Variants in HPD observed in about 807,000 individuals in gnomAD.
The protein encoded by HPD is 4-hydroxyphenylpyruvate dioxygenase, also known as 4-hydroxyphenylpyruvic acid oxidase.
A neutral mutation model predicts 56.9 loss-of-function variants in HPD; 35 were observed. The observed-to-expected ratio is 0.62, with a 90% CI of 0.47 to 0.82. HPD has a LOEUF of 0.82. Ranked by LOEUF, HPD falls within the 40% of genes least tolerant of loss-of-function variation. The pLI is 0.00. For synonymous variants in HPD, 186 were observed against 200.2 expected, an observed-to-expected ratio of 0.93 and a Z score of 0.60; for missense variants, 442 against 506.8, an observed-to-expected ratio of 0.87 and a Z score of 1.23.
At chr12:121,848,296 T>C (rs949839604) in intron 9 of HPD, among the ~76,000 whole-genome samples, 8 of 152,104 alleles carry the variant, frequency 5.3e-5, no homozygotes, top group African/African-American at 1.9e-4. Flanking sequence ...TCCACTTTTA[T>C]TTTATTTTAC....
At chr12:121,876,174 G>A in the HPD span, among the ~76,000 whole-genome samples, 1 of 152,242 alleles carries the variant, frequency 6.6e-6, no homozygotes, top group South Asian at 2.1e-4. Flanking sequence ...AGCTGGGCGT[G>A]GTGGCGGGCG....
At chr12:121,870,750 C>G in the HPD span, among the ~76,000 whole-genome samples, 1 of 151,740 alleles carries the variant, frequency 6.6e-6, no homozygotes, top group African/African-American at 2.4e-5. Flanking sequence ...GCATGTGCCA[C>G]CACACCTGGC....
rs1877610599 is a variant in HPD, at chr12:121,847,058, C to T, written c.753G>A (p.Gln251=). The T allele has an allele frequency of 1.9e-6, 3 of 1,614,054 alleles. No homozygotes were observed. The highest frequency in any genetic ancestry group is 1.3e-5 in the African/African-American group (1 of 74,914). The change falls in exon 10 of 14, where the codon CAG becomes CAA. Residue 251 remains glutamine (Q), a synonymous_variant. Coordinates refer to ENST00000289004, the MANE Select transcript of HPD (RefSeq NM_002150.3). The part of the protein sequence containing the change: ...NEPAPGKKKS[Q]IQEYVDYNGG... Reference sequence around the variant, plus strand: ...CAGCCAGGGGCGGCCTCACCTGGATCTGGGACTTCTTCTTGCCAGGCGCTG... The same window carrying T: ...CAGCCAGGGGCGGCCTCACCTGGATTTGGGACTTCTTCTTGCCAGGCGCTG...
intron 7 of HPD, among the ~76,000 whole-genome samples, chr12:121,852,033 TTTTTGAGACAGAG>T (rs1877809962): frequency 6.6e-6 from 1 of 151,082 alleles, no homozygotes; most frequent in Non-Finnish European, 1.5e-5. Flanking sequence ...TATTCATTTA[TTTTTGAGACAGAG>T]TCTCACTCTG....
chr12:121,882,814 T>C, the HPD span, among the ~76,000 whole-genome samples: 1 of 152,170 alleles, frequency 6.6e-6, no homozygotes, highest in Admixed American at 6.5e-5. Context: ...TAATCTCAGC[T>C]CACTGCAACC....
At chr12:121,858,744 G>A (rs1352562058) in intron 1 of HPD, 31 bp from the exon 2 acceptor site, 10 of 1,613,980 alleles carry the variant, frequency 6.2e-6, no homozygotes, top group Admixed American at 3.3e-5. Flanking sequence ...AGTGAGACTT[G>A]GAGGTTCCAA....
the HPD span, among the ~76,000 whole-genome samples, chr12:121,869,885 G>A: frequency 6.0e-3 from 906 of 152,200 alleles, 10 homozygotes; most frequent in African/African-American, 0.02. Flanking sequence ...GAAGTCCAGC[G>A]TATCTACCTG....
At chr12:121,845,739 C>CAA (rs1425737084) in intron 11 of HPD, among the ~76,000 whole-genome samples, 2 of 152,234 alleles carry the variant, frequency 1.3e-5, no homozygotes, top group East Asian at 3.9e-4. Flanking sequence ...GCCATTCACC[C>CAA]TTGCTGTCCC....
At chr12:121,872,578 T>C in the HPD span, among the ~76,000 whole-genome samples, 2 of 152,018 alleles carry the variant, frequency 1.3e-5, no homozygotes, top group Non-Finnish European at 2.9e-5. Context: ...CATAACAGCG[T>C]CTCCCTTCTC....
intron 12 of HPD, among the ~76,000 whole-genome samples, chr12:121,842,741 CTTTTTTTTTTTT>C (rs34879391): frequency 2.6e-5 from 2 of 76,246 alleles, no homozygotes; most frequent in Middle Eastern, 8.9e-3. Flanking sequence ...TAAAATGGAT[CTTTTTTTTTTTT>C]TTTTTTTTTT....
At chr12:121,882,897 T>C in the HPD span, among the ~76,000 whole-genome samples, 4 of 152,114 alleles carry the variant, frequency 2.6e-5, no homozygotes, top group Non-Finnish European at 2.9e-5. Flanking sequence ...CAAACCCAAC[T>C]AATCTATTTT....
At chr12:121,857,559 G>T in intron 3 of HPD, 127 bp from the exon 4 acceptor site, 1 of 852,414 alleles carries the variant, frequency 1.2e-6, no homozygotes. Context: ...ACCCTCCTGG[G>T]AAGATAGACT....
At chr12:121,865,927 C>T (rs180756722), upstream of HPD, among the ~76,000 whole-genome samples, 1 of 151,920 alleles carries the variant, frequency 6.6e-6, no homozygotes, top group East Asian at 1.9e-4. Flanking sequence ...GTGGAGGTTG[C>T]GGTAAGCCTA....
intron 12 of HPD, among the ~76,000 whole-genome samples, chr12:121,841,256 C>T (rs2515730): frequency 0.02 from 2,972 of 151,568 alleles, 115 homozygotes; most frequent in African/African-American, 0.068. Flanking sequence ...ATAATCCCAG[C>T]TACTGGGGAG....
chr12:121,860,462 T>C (rs1211413183), upstream of HPD, among the ~76,000 whole-genome samples: 1 of 152,150 alleles, frequency 6.6e-6, no homozygotes, highest in Non-Finnish European at 1.5e-5. Context: ...TCCCCAACAC[T>C]GTAGGTCTCA....
the HPD span, among the ~76,000 whole-genome samples, chr12:121,886,094 C>A: frequency 6.6e-6 from 1 of 150,782 alleles, no homozygotes; most frequent in African/African-American, 2.4e-5. Flanking sequence ...CGCACCTGGC[C>A]ACATATTGCA....
At chr12:121,878,673 G>A in the HPD span, among the ~76,000 whole-genome samples, 5 of 143,650 alleles carry the variant, frequency 3.5e-5, no homozygotes, top group African/African-American at 1.1e-4. Flanking sequence ...TTGGTTTTTC[G>A]TTCTTTTTTT....
At chr12:121,874,765 C>CTT in the HPD span, among the ~76,000 whole-genome samples, 1 of 146,294 alleles carries the variant, frequency 6.8e-6, no homozygotes, top group Non-Finnish European at 1.5e-5. Context: ...TTGTCACTTT[C>CTT]TTTTTTTTTT....
the HPD span, among the ~76,000 whole-genome samples, chr12:121,876,478 T>A: frequency 6.6e-6 from 1 of 152,072 alleles, no homozygotes; most frequent in Non-Finnish European, 1.5e-5. Context: ...TGATACGGGA[T>A]CAAGGCCCGG....
Sources: allele counts gnomAD v4.1 joint callset (sites outside exome capture counted in the v4.1 genomes callset), GRCh38; gene constraint gnomAD v4.1.1; transcripts MANE v1.5; gene names NCBI Gene and HGNC (gene_info 2026-07-23, HGNC 2026-07-21).